LMBR1: variants seen among roughly 807,000 people sequenced by gnomAD.
LMBR1 encodes limb region 1 protein homolog.
LMBR1 carries 52 observed loss-of-function variants against 73.9 expected under a neutral mutation model. The ratio of observed to expected loss-of-function variants is 0.70; its 90% CI spans 0.56 to 0.89. The LOEUF (loss-of-function observed/expected upper bound fraction) is 0.89, where lower values mean the gene tolerates loss of function less well. Ranked by LOEUF, LMBR1 falls within the 40% of genes least tolerant of loss-of-function variation. The pLI, the probability that LMBR1 is intolerant of heterozygous loss-of-function variation, is 0.00. For synonymous variants in LMBR1, 215 were observed against 209.4 expected, an observed-to-expected ratio of 1.03 and a Z score of -0.23; for missense variants, 539 against 579.8, an observed-to-expected ratio of 0.93 and a Z score of 0.72.
chr7:156,713,844 T>C (rs75712393), intron 15 of LMBR1, among the ~76,000 whole-genome samples: 5,259 of 152,312 alleles, frequency 0.035, 139 homozygotes, highest in Non-Finnish European at 0.052. Context: ...CATTAATATA[T>C]TAATGTATGG....
At chr7:156,834,412 G>A (rs1043752507) in intron 2 of LMBR1, 2 of 162,082 alleles carry the variant, frequency 1.2e-5, no homozygotes, top group Admixed American at 1.3e-4. Context: ...ACCACCTTAA[G>A]CAACATAGGG....
intron 5 of LMBR1, among the ~76,000 whole-genome samples, chr7:156,793,514 A>C (rs2133346411): frequency 6.6e-6 from 1 of 152,354 alleles, no homozygotes; most frequent in East Asian, 1.9e-4. Flanking sequence ...AAGCTGAGTT[A>C]TTCTACTTCA....
At chr7:156,821,857 C>A (rs1834851941) in intron 4 of LMBR1, among the ~76,000 whole-genome samples, 1 of 152,176 alleles carries the variant, frequency 6.6e-6, no homozygotes, top group African/African-American at 2.4e-5. Flanking sequence ...TACATGGACC[C>A]AGCACCTTCT....
In LMBR1 at chr7:156,703,808, C is replaced by A. The variant is rs138543480; in HGVS notation, c.1226-15617G>T. Reference sequence around the variant, plus strand: ...CCTCTCCAAGGTGGAGCATGGCATCCGGGCTCATGAGTTTTCCATTACCCA... The same window carrying A: ...CCTCTCCAAGGTGGAGCATGGCATCAGGGCTCATGAGTTTTCCATTACCCA... On this transcript the variant is annotated intron_variant, in intron 15 of 16. Coordinates refer to ENST00000353442, the MANE Select transcript of LMBR1 (RefSeq NM_022458.4). Among the ~76,000 whole-genome samples, 124 of 152,246 alleles carry A rather than the reference C, an allele frequency of 8.1e-4. 1 individual carries two copies. Among genetic ancestry groups the A allele is most frequent in the African/African-American group, 2.9e-3 (121 of 41,542 alleles).
chr7:156,883,997 G>A (rs1374111501), intron 1 of LMBR1, among the ~76,000 whole-genome samples: 2 of 152,186 alleles, frequency 1.3e-5, no homozygotes, highest in East Asian at 1.9e-4. Context: ...CTACCGCAGA[G>A]GGGAAGCTGA....
chr7:156,700,705 T>A (rs1396219576), intron 15 of LMBR1, among the ~76,000 whole-genome samples: 1 of 152,174 alleles, frequency 6.6e-6, no homozygotes, highest in Non-Finnish European at 1.5e-5. Context: ...CTTTACCATA[T>A]TTTCCTTTCT....
chr7:156,790,479 T>TAAAG (rs1829013386), intron 5 of LMBR1, among the ~76,000 whole-genome samples: 5 of 152,178 alleles, frequency 3.3e-5, no homozygotes, highest in Admixed American at 3.3e-4. Context: ...GTTCACATTT[T>TAAAG]TTGCCACTGT....
chr7:156,769,032 T>C (rs1222034706), intron 5 of LMBR1, among the ~76,000 whole-genome samples: 2 of 152,144 alleles, frequency 1.3e-5, no homozygotes, highest in Non-Finnish European at 2.9e-5. Context: ...ATACTGTTTA[T>C]ATTGGGCCAA....
At chr7:156,756,979 G>A (rs1264451410) in intron 8 of LMBR1, among the ~76,000 whole-genome samples, 1 of 152,090 alleles carries the variant, frequency 6.6e-6, no homozygotes, top group East Asian at 1.9e-4. Flanking sequence ...ACCATGCCCA[G>A]CTAATTTTTG....
chr7:156,736,441 T>G (rs578059916), intron 9 of LMBR1: 7 of 446,584 alleles, frequency 1.6e-5, no homozygotes, highest in African/African-American at 1.4e-4. Context: ...TTTAAAGGTT[T>G]TATCTTTATC....
chr7:156,705,636 A>G (rs1415884947), intron 15 of LMBR1, among the ~76,000 whole-genome samples: 1 of 152,214 alleles, frequency 6.6e-6, no homozygotes, highest in Non-Finnish European at 1.5e-5. Flanking sequence ...GGAGAGATAA[A>G]GTCTTTTGCA....
intron 5 of LMBR1, among the ~76,000 whole-genome samples, chr7:156,785,201 C>T (rs1827855075): frequency 1.3e-5 from 2 of 151,988 alleles, no homozygotes; most frequent in East Asian, 3.9e-4. Context: ...CACTTGAGCC[C>T]GGGAGGCAGA....
At chr7:156,840,021 A>T (rs7799144) in intron 1 of LMBR1, among the ~76,000 whole-genome samples, 2 of 152,022 alleles carry the variant, frequency 1.3e-5, no homozygotes, top group African/African-American at 4.8e-5. Context: ...AATGGAGAGA[A>T]GACAGAAACA....
intron 1 of LMBR1, among the ~76,000 whole-genome samples, chr7:156,888,665 C>T (rs1457593492): frequency 6.6e-6 from 1 of 152,188 alleles, no homozygotes; most frequent in Non-Finnish European, 1.5e-5. Flanking sequence ...CGCCTGTAAT[C>T]CCAGCACTTT....
At chr7:156,828,557 A>T (rs1169728802) in intron 3 of LMBR1, among the ~76,000 whole-genome samples, 1 of 152,210 alleles carries the variant, frequency 6.6e-6, no homozygotes, top group Admixed American at 6.5e-5. Flanking sequence ...TGATGAGGGC[A>T]TACACTCAGA....
chr7:156,736,591 G>A (rs1251745785), intron 9 of LMBR1: 3 of 456,974 alleles, frequency 6.6e-6, no homozygotes, highest in Non-Finnish European at 1.3e-5. Flanking sequence ...TGCAACTTCT[G>A]GATTTCCCGC....
chr7:156,839,021 T>C (rs1838167650), intron 1 of LMBR1, among the ~76,000 whole-genome samples: 1 of 151,704 alleles, frequency 6.6e-6, no homozygotes, highest in African/African-American at 2.4e-5. Flanking sequence ...TGTCTTCTTT[T>C]GAGAAATATC....
At chr7:156,834,904 G>A (rs1210457753) in intron 2 of LMBR1, among the ~76,000 whole-genome samples, 2 of 151,784 alleles carry the variant, frequency 1.3e-5, no homozygotes, top group East Asian at 3.9e-4. Context: ...CACTTTGGGA[G>A]GCAGAGGCAG....
At chr7:156,694,548 A>G (rs1807880869) in intron 15 of LMBR1, among the ~76,000 whole-genome samples, 1 of 152,212 alleles carries the variant, frequency 6.6e-6, no homozygotes, top group Non-Finnish European at 1.5e-5. Flanking sequence ...CTGCTATTCA[A>G]CATACTACTT....
Sources: gnomAD v4.1 joint callset for allele counts (sites outside exome capture counted in the v4.1 genomes callset) on GRCh38, gnomAD v4.1.1 for gene constraint, MANE v1.5 for transcripts, NCBI Gene and HGNC (gene_info 2026-07-23, HGNC 2026-07-21) for gene names.